Variants in PLEKHB1 observed in about 807,000 individuals in gnomAD.
The protein encoded by PLEKHB1 is pleckstrin homology domain containing B1, also known as pleckstrin homology domain-containing family B member 1.
In PLEKHB1, 29 loss-of-function variants were observed where a neutral mutation model predicts 36.2. The observed-to-expected ratio is 0.80, with a 90% CI of 0.60 to 1.09. The LOEUF (loss-of-function observed/expected upper bound fraction) is 1.09. Ranked by LOEUF, PLEKHB1 falls within the 50% of genes least tolerant of loss-of-function variation. PLEKHB1 has a pLI of 0.00. For missense variants in PLEKHB1, 330 were observed against 348.2 expected, an observed-to-expected ratio of 0.95 and a Z score of 0.42; for synonymous variants, 138 against 140.0, an observed-to-expected ratio of 0.99 and a Z score of 0.10.
At position 73,662,754 on chromosome 11, in the gene PLEKHB1, T is replaced by C. The variant is rs548136212; in HGVS notation, c.*1152T>C. On this transcript the variant is annotated 3_prime_UTR_variant, in exon 8 of 8. Transcript: ENST00000354190. ...CCAGACTAGCCCACTAAAGCTCCCCTGTAAATGGGGGCTCCATTAGTTCTG... is the reference window on the plus strand; with the variant it reads ...CCAGACTAGCCCACTAAAGCTCCCCCGTAAATGGGGGCTCCATTAGTTCTG... 1 of 152,218 alleles carries C rather than the reference T, an allele frequency of 6.6e-6. No individual in the cohort carries two copies. The highest frequency in any genetic ancestry group is 1.5e-5 in the Non-Finnish European group (1 of 68,052). The allele number at this position is 152,218 out of a possible 1,614,324, so 9.4% of individuals were successfully genotyped here. A position where few individuals can be genotyped will look rare whatever the true frequency, so the allele number is the denominator to read the frequency against.
chr11:73,651,944 GC>G, intron 4 of PLEKHB1, 54 bp downstream of exon 4: 2 of 1,510,492 alleles, frequency 1.3e-6, no homozygotes, highest in Non-Finnish European at 9.1e-7. Flanking sequence ...GTTACCATGT[GC>G]CCCCTTCTCA....
At position 73,661,607 on chromosome 11, in the gene PLEKHB1, T is replaced by G; in HGVS notation, c.*5T>G. The G allele has an allele frequency of 6.3e-7, 1 of 1,574,804 alleles. No individual in the cohort carries two copies. The highest frequency in any genetic ancestry group is 1.2e-5 in the South Asian group (1 of 85,632). ...TGGTCGCCCTGCTGGTTCTGAGCCC[T>G]GGGACTCGGAGCACTGACCCCTGCG... On this transcript the variant is annotated 3_prime_UTR_variant, in exon 8 of 8. Coordinates refer to ENST00000354190, the MANE Select transcript of PLEKHB1 (RefSeq NM_021200.3). The surrounding 1 kb of genome is among the most constrained non-coding windows in gnomAD (Gnocchi z 4.6).
chr11:73,661,626 C>T lies in PLEKHB1; in HGVS notation c.*24C>T. ...GAGCCCTGGGACTCGGAGCACTGAC[C>T]CCTGCGCTTGGATTGCTAGACTCCT... On this transcript the variant is annotated 3_prime_UTR_variant, in exon 8 of 8. Coordinates refer to ENST00000354190, the MANE Select transcript of PLEKHB1 (RefSeq NM_021200.3). This position sits in a 1 kb window ranked among gnomAD's most constrained non-coding sequence, Gnocchi z 4.6. The T allele has an allele frequency of 6.5e-7, 1 of 1,547,018 alleles. No homozygotes were observed.
chr11:73,647,688 C>T (rs986109221), intron 1 of PLEKHB1: 15 of 985,380 alleles, frequency 1.5e-5, no homozygotes, highest in African/African-American at 3.5e-5. Context: ...GTGGCAGCAG[C>T]ATCGAGTAGC....
chr11:73,656,544 T>C (rs569821378), intron 6 of PLEKHB1, among the ~76,000 whole-genome samples: 11 of 152,224 alleles, frequency 7.2e-5, no homozygotes, highest in Non-Finnish European at 1.5e-4. Context: ...GCAATACTAC[T>C]ACATAGTCTA....
At chr11:73,657,228 G>A (rs1196661936) in intron 6 of PLEKHB1, among the ~76,000 whole-genome samples, 1 of 152,190 alleles carries the variant, frequency 6.6e-6, no homozygotes, top group Non-Finnish European at 1.5e-5. Flanking sequence ...TATAGATGTG[G>A]CACTGTTAGA....
intron 1 of PLEKHB1, among the ~76,000 whole-genome samples, 190 bp downstream of exon 1, chr11:73,646,816 T>C (rs1390422791): frequency 1.3e-5 from 2 of 152,126 alleles, no homozygotes; most frequent in African/African-American, 2.4e-5. Flanking sequence ...TCCGAGGTGA[T>C]AGATACAGAA....
intron 6 of PLEKHB1, among the ~76,000 whole-genome samples, chr11:73,657,716 G>A (rs1388152032): frequency 6.6e-6 from 1 of 152,190 alleles, no homozygotes; most frequent in Non-Finnish European, 1.5e-5. Context: ...GGTGGAGGCT[G>A]TGGACCTCAA....
chr11:73,660,677 T>C (rs1945086953), intron 6 of PLEKHB1, 76 bp from the exon 7 acceptor site: 1 of 1,386,956 alleles, frequency 7.2e-7, no homozygotes, highest in Non-Finnish European at 1.0e-6. Flanking sequence ...CAGAGAGGCC[T>C]GTGCCAGGCG....
Position 73,646,584 on chromosome 11 carries a change from A to G in PLEKHB1, c.-25A>G. Reference sequence around the variant, plus strand: ...CCCCGCTGCGGGAGCCTTCTGGGAAATGCTGCCCTGGCCACCCAGGAACCA... The same window carrying G: ...CCCCGCTGCGGGAGCCTTCTGGGAAGTGCTGCCCTGGCCACCCAGGAACCA... On this transcript the variant is annotated 5_prime_UTR_variant, in exon 1 of 8. It removes an upstream start codon present in the reference 5' UTR. Coordinates refer to ENST00000354190, the MANE Select transcript of PLEKHB1 (RefSeq NM_021200.3). 1.3e-6 allele frequency: 2 copies of G among 1,551,530 alleles called. No homozygotes were observed. Among genetic ancestry groups the G allele is most frequent in the South Asian group, 1.2e-5 (1 of 84,064 alleles).
At chr11:73,648,555 T>C (rs1055623199) in intron 1 of PLEKHB1, 1 of 899,284 alleles carries the variant, frequency 1.1e-6, no homozygotes, top group African/African-American at 1.8e-5. Context: ...GATTCTAATA[T>C]TCTGCACTTC....
At chr11:73,660,880 G>T (rs1435460033) in intron 7 of PLEKHB1, 28 bp downstream of exon 7, 9 of 1,555,846 alleles carry the variant, frequency 5.8e-6, no homozygotes, top group Non-Finnish European at 7.8e-6. Flanking sequence ...CCCGGGGCTT[G>T]CCTCGATCCA....
intron 1 of PLEKHB1, among the ~76,000 whole-genome samples, chr11:73,647,056 C>G (rs577427496): frequency 6.6e-6 from 1 of 152,158 alleles, no homozygotes. Context: ...GCCCTCCCCA[C>G]CCCTGCGCTT....
intron 5 of PLEKHB1, chr11:73,653,335 C>A (rs138611225): frequency 1.7e-6 from 1 of 599,658 alleles, no homozygotes; most frequent in Admixed American, 2.1e-5. Context: ...TCACAACAGT[C>A]CTGTGAAGTT....
At chr11:73,647,763 G>A (rs1944795558) in intron 1 of PLEKHB1, 2 of 985,326 alleles carry the variant, frequency 2.0e-6, no homozygotes, top group South Asian at 9.4e-5. Flanking sequence ...GGGAGGGGCT[G>A]GAAAAGGAGT....
Position 73,652,974 on chromosome 11 carries a change from G to C in PLEKHB1, c.351-1G>C. 6.2e-7 allele frequency: 1 copy of C among 1,608,862 alleles called. No homozygotes were observed. The highest frequency in any genetic ancestry group is 8.5e-7 in the Non-Finnish European group (1 of 1,176,490). ...ATGGTCTGGTGGGATTTGCTTTGCA[G>C]AGCATGGAAGACAGCACTGCTGGAG... On this transcript the variant is annotated splice_acceptor_variant, in intron 4 of 7. Coordinates refer to ENST00000354190, the MANE Select transcript of PLEKHB1 (RefSeq NM_021200.3). LOFTEE classifies it high-confidence loss of function.
chr11:73,650,527 C>A, intron 2 of PLEKHB1, 26 bp from the exon 3 acceptor site: 1 of 1,588,222 alleles, frequency 6.3e-7, no homozygotes, highest in Non-Finnish European at 8.6e-7. Flanking sequence ...GATCAGCCTG[C>A]CTAGTGCATC....
At chr11:73,651,673 G>A (rs1253644369) in intron 3 of PLEKHB1, 115 bp from the exon 4 acceptor site, 2 of 759,678 alleles carry the variant, frequency 2.6e-6, no homozygotes, top group Admixed American at 2.2e-5. Flanking sequence ...AGAGGAGGTT[G>A]GCAGTGGCCA....
In PLEKHB1 at chr11:73,661,375, C is replaced by CTGGGTTGTAAG; in HGVS notation, c.596-84_596-83insTAAGTGGGTTG. The CTGGGTTGTAAG allele has an allele frequency of 6.8e-7, 1 of 1,469,292 alleles. No individual in the cohort carries two copies. Among genetic ancestry groups the CTGGGTTGTAAG allele is most frequent in the South Asian group, 1.2e-5 (1 of 84,670 alleles). The allele number at this position is 1,469,292 out of a possible 1,614,324, so 91.0% of individuals were successfully genotyped here. A position where few individuals can be genotyped will look rare whatever the true frequency, so the allele number is the denominator to read the frequency against. On this transcript the variant is annotated intron_variant, in intron 7 of 7. Coordinates refer to ENST00000354190, the MANE Select transcript of PLEKHB1 (RefSeq NM_021200.3). The surrounding 1 kb of genome is among the most constrained non-coding windows in gnomAD (Gnocchi z 4.6). ...AGGAGAGTGGGTTCGGCGCCTTACA[C>CTGGGTTGTAAG]TGGGTTGGGCTGGAGTGATGCAGGA...
Sources: gnomAD v4.1 joint callset for allele counts (sites outside exome capture counted in the v4.1 genomes callset) on GRCh38, gnomAD v4.1.1 for gene constraint, Gnocchi (gnomAD v3.1) non-coding constraint, MANE v1.5 for transcripts, NCBI Gene and HGNC (gene_info 2026-07-23, HGNC 2026-07-21) for gene names.